TGFBR3: variants seen among roughly 807,000 people sequenced by gnomAD.
TGFBR3 encodes transforming growth factor beta receptor type 3.
TGFBR3 carries 46 observed loss-of-function variants against 87.9 expected under a neutral mutation model. The ratio of observed to expected loss-of-function variants is 0.52; its 90% CI spans 0.41 to 0.67. The LOEUF (loss-of-function observed/expected upper bound fraction) is 0.67. Ranked by LOEUF, TGFBR3 falls within the 30% of genes least tolerant of loss-of-function variation. TGFBR3 has a pLI of 0.00. For synonymous variants in TGFBR3, 381 were observed against 391.6 expected, an observed-to-expected ratio of 0.97 and a Z score of 0.32; for missense variants, 866 against 1,041.9, an observed-to-expected ratio of 0.83 and a Z score of 2.32.
intron 2 of TGFBR3, among the ~76,000 whole-genome samples, chr1:91,896,817 T>C (rs1679561326): frequency 6.6e-6 from 1 of 151,996 alleles, no homozygotes; most frequent in Admixed American, 6.6e-5. Flanking sequence ...GAAGGAAAAG[T>C]AAACAAGTCT....
chr1:91,725,179 G>A (rs1393280790), intron 7 of TGFBR3, among the ~76,000 whole-genome samples: 1 of 152,078 alleles, frequency 6.6e-6, no homozygotes, highest in Admixed American at 6.6e-5. Flanking sequence ...CTGGCTCTTT[G>A]CACCTCTTTT....
Position 91,683,686 on chromosome 1 carries a change from T to TAGCTG in TGFBR3, c.*48_*52dup, listed in dbSNP as rs754058860. On this transcript the variant is annotated 3_prime_UTR_variant, in exon 17 of 17. Transcript: ENST00000212355. Reference sequence around the variant, plus strand: ...CAGCCATTGGTCCTGCCCTTGGCAGTAGCTGAGCTGAGCTGGGCTGGGCTG... The same window carrying TAGCTG: ...CAGCCATTGGTCCTGCCCTTGGCAGTAGCTGAGCTGAGCTGAGCTGGGCTGGGCTG... 4.6e-5 allele frequency: 67 copies of TAGCTG among 1,442,808 alleles called. No homozygotes were observed. The highest frequency in any genetic ancestry group is 4.6e-4 in the African/African-American group (33 of 71,310). The allele number at this position is 1,442,808 out of a possible 1,614,324, so 89.4% of individuals were successfully genotyped here. A position where few individuals can be genotyped will look rare whatever the true frequency, so the allele number is the denominator to read the frequency against.
chr1:91,806,051 A>G (rs1385629993), intron 2 of TGFBR3, among the ~76,000 whole-genome samples: 1 of 152,228 alleles, frequency 6.6e-6, no homozygotes, highest in East Asian at 1.9e-4. Context: ...AAAATAAAAT[A>G]AACTGCTCGG....
At chr1:91,771,642 C>G (rs1382306950) in intron 3 of TGFBR3, among the ~76,000 whole-genome samples, 1 of 143,314 alleles carries the variant, frequency 7.0e-6, no homozygotes, top group Non-Finnish European at 1.5e-5. Flanking sequence ...GGAGGCGGAG[C>G]TTGCAGTGAG....
chr1:91,817,880 GAAA>G (rs5776119), intron 2 of TGFBR3, among the ~76,000 whole-genome samples: 1 of 139,062 alleles, frequency 7.2e-6, no homozygotes, highest in African/African-American at 2.7e-5. Context: ...ACTGATAACA[GAAA>G]AAAAAAAAAA....
intron 2 of TGFBR3, among the ~76,000 whole-genome samples, chr1:91,833,712 G>A (rs564898740): frequency 4.0e-5 from 6 of 151,852 alleles, no homozygotes; most frequent in East Asian, 1.9e-4. Context: ...CCCAGGAGGC[G>A]GAGGTTTCAG....
chr1:91,810,354 TG>T (rs1675986749), intron 2 of TGFBR3, among the ~76,000 whole-genome samples: 1 of 152,120 alleles, frequency 6.6e-6, no homozygotes. Flanking sequence ...CCACCGTGCC[TG>T]GCCCAGAACT....
chr1:91,792,600 GAT>G, intron 3 of TGFBR3, among the ~76,000 whole-genome samples: 1 of 152,186 alleles, frequency 6.6e-6, no homozygotes, highest in East Asian at 1.9e-4. Context: ...AAAATTAGAT[GAT>G]AGGAAACAAA....
intron 3 of TGFBR3, among the ~76,000 whole-genome samples, chr1:91,763,187 A>C (rs1305084084): frequency 6.6e-6 from 1 of 152,234 alleles, no homozygotes; most frequent in Non-Finnish European, 1.5e-5. Context: ...CAAGATTCAT[A>C]ATATAGATGC....
chr1:91,714,054 T>A (rs543638956), intron 12 of TGFBR3, among the ~76,000 whole-genome samples: 1 of 151,068 alleles, frequency 6.6e-6, no homozygotes, highest in East Asian at 1.9e-4. Flanking sequence ...TCAGCAAATC[T>A]TTTACTAAAA....
chr1:91,820,327 T>C (rs1271542374), intron 2 of TGFBR3, among the ~76,000 whole-genome samples: 1 of 152,192 alleles, frequency 6.6e-6, no homozygotes, highest in Non-Finnish European at 1.5e-5. Flanking sequence ...ATCACTGTTA[T>C]GGTACTATAA....
At chr1:91,701,733 G>A (rs986309800) in intron 14 of TGFBR3, among the ~76,000 whole-genome samples, 2 of 152,054 alleles carry the variant, frequency 1.3e-5, no homozygotes, top group Non-Finnish European at 2.9e-5. Flanking sequence ...GACGGAGTGG[G>A]CCCACAGTGA....
intron 2 of TGFBR3, among the ~76,000 whole-genome samples, chr1:91,841,861 T>C (rs1008682886): frequency 6.7e-6 from 1 of 149,942 alleles, no homozygotes; most frequent in Non-Finnish European, 1.5e-5. Context: ...TCACAACACT[T>C]TGGGAGGCAG....
In TGFBR3 at chr1:91,681,366, G is replaced by A. The variant is rs762898642; in HGVS notation, c.*2373C>T. Reference sequence around the variant, plus strand: ...ATCTGAATAATAATTCTGACAATGAGACCCAAACAAATAAAAGGTGATTTT... The same window carrying A: ...ATCTGAATAATAATTCTGACAATGAAACCCAAACAAATAAAAGGTGATTTT... On this transcript the variant is annotated 3_prime_UTR_variant, in exon 17 of 17. Transcript: ENST00000212355. 8 of 429,122 alleles carry A rather than the reference G, an allele frequency of 1.9e-5. No homozygotes were observed. Among genetic ancestry groups the A allele is most frequent in the South Asian group, 1.2e-4 (7 of 56,310 alleles). The allele number at this position is 429,122 out of a possible 1,614,324, so 26.6% of individuals were successfully genotyped here.
At chr1:91,763,502 TAAGAA>T (rs1454599684) in intron 3 of TGFBR3, among the ~76,000 whole-genome samples, 7 of 152,304 alleles carry the variant, frequency 4.6e-5, no homozygotes, top group Admixed American at 4.6e-4. Flanking sequence ...TACACTAAGA[TAAGAA>T]AAGAACTCCA....
intron 1 of TGFBR3, among the ~76,000 whole-genome samples, chr1:91,871,793 C>T (rs1214882062): frequency 1.3e-5 from 2 of 152,162 alleles, no homozygotes; most frequent in Non-Finnish European, 2.9e-5. Context: ...CCCCCATAGC[C>T]TACCTGAGTT....
chr1:91,717,705 A>AAC (rs1672222809), intron 10 of TGFBR3, among the ~76,000 whole-genome samples: 1 of 150,720 alleles, frequency 6.6e-6, no homozygotes. Context: ...AAAAAAACAA[A>AAC]CTGCCTTTCT....
chr1:91,698,118 C>T lies in TGFBR3; in HGVS notation c.2300G>A (p.Ser767Asn), dbSNP rs1189930716. The change falls in exon 15 of 17, where the codon AGC becomes AAC. Residue 767 changes from serine (S) to asparagine (N), a missense_variant. Coordinates refer to ENST00000212355, the MANE Select transcript of TGFBR3 (RefSeq NM_003243.5). ...HEAESKEKGP[S>N]MKEPNPISPP... ...AGAAATTGGATTTGGTTCCTTCATG[C>T]TTGGACCTTTTTCTGAAACAAAAAC... is the stretch of plus-strand genomic sequence containing the variant. 9 of 1,613,866 alleles carry T rather than the reference C, an allele frequency of 5.6e-6. No homozygotes were observed. In the Admixed American group the frequency reaches 1.5e-4, roughly 27 times the overall value.
chr1:91,865,348 A>C (rs557020309), intron 1 of TGFBR3, among the ~76,000 whole-genome samples: 14 of 151,888 alleles, frequency 9.2e-5, no homozygotes, highest in African/African-American at 3.4e-4. Flanking sequence ...GTAAATGATG[A>C]GTTAATGGTT....
Sources: allele counts gnomAD v4.1 joint callset (sites outside exome capture counted in the v4.1 genomes callset), GRCh38; gene constraint gnomAD v4.1.1; transcripts MANE v1.5; gene names NCBI Gene and HGNC (gene_info 2026-07-23, HGNC 2026-07-21).